The following KLHL13 variants were observed in gnomAD, a reference collection of about 807,000 sequenced individuals.
KLHL13 encodes the protein kelch-like protein 13.
KLHL13 carries 10 observed loss-of-function variants against 37.1 expected under a neutral mutation model. The observed-to-expected ratio is 0.27, with a 90% CI of 0.17 to 0.46. The LOEUF is 0.46. Ranked by LOEUF, KLHL13 falls within the 20% of genes least tolerant of loss-of-function variation. The pLI is 1.00. For synonymous variants in KLHL13, 163 were observed against 181.2 expected, an observed-to-expected ratio of 0.90 and a Z score of 0.81; for missense variants, 360 against 509.3, an observed-to-expected ratio of 0.71 and a Z score of 2.82.
At chrX:117,925,230 T>C (rs780375742) in intron 2 of KLHL13, among the ~76,000 whole-genome samples, 10 of 112,154 alleles carry the variant, frequency 8.9e-5, no homozygotes, top group Admixed American at 6.6e-4. Flanking sequence ...ACATTGATAC[T>C]GTCAGGTATT....
At chrX:118,032,461 G>A (rs774149358) in intron 1 of KLHL13, among the ~76,000 whole-genome samples, 1 of 111,704 alleles carries the variant, frequency 9.0e-6, no homozygotes, top group Admixed American at 9.4e-5. Context: ...TAACTGGGAG[G>A]CACCCCCCAG....
At chrX:117,929,779 A>C (rs1451705199) in intron 2 of KLHL13, among the ~76,000 whole-genome samples, 4 of 57,479 alleles carry the variant, frequency 7.0e-5, no homozygotes, top group African/African-American at 1.9e-4. Context: ...TCGTCTCTAC[A>C]AAAAAAAAAA....
At chrX:118,096,537 C>T (rs1274599179) in intron 1 of KLHL13, among the ~76,000 whole-genome samples, 1 of 111,703 alleles carries the variant, frequency 9.0e-6, no homozygotes, top group Non-Finnish European at 1.9e-5. Context: ...CGAAACTATT[C>T]CAATCAATAG....
intron 1 of KLHL13, among the ~76,000 whole-genome samples, chrX:118,069,420 T>G (rs1479471137): frequency 1.6e-5 from 1 of 61,536 alleles, no homozygotes; most frequent in Non-Finnish European, 3.0e-5. Flanking sequence ...GTTTAAAATG[T>G]AAAAAAAAAA....
intron 1 of KLHL13, among the ~76,000 whole-genome samples, chrX:118,019,314 CCTT>C (rs1235077016): frequency 9.0e-6 from 1 of 111,067 alleles, no homozygotes; most frequent in Non-Finnish European, 1.9e-5. Context: ...CTGTTCATAT[CCTT>C]CGCCCACTTT....
intron 1 of KLHL13, among the ~76,000 whole-genome samples, chrX:118,094,866 G>A (rs748357024): frequency 7.5e-4 from 83 of 111,225 alleles, no homozygotes; most frequent in African/African-American, 2.6e-3. Flanking sequence ...CACCAGGCCT[G>A]CCCTAAAAGA....
chrX:117,932,132 G>T (rs749762064), intron 2 of KLHL13, among the ~76,000 whole-genome samples: 65 of 110,909 alleles, frequency 5.9e-4, no homozygotes, highest in South Asian at 1.9e-3. Context: ...ACAAATCAGG[G>T]TAATTATTAT....
At chrX:118,076,609 A>C (rs887066763) in intron 1 of KLHL13, among the ~76,000 whole-genome samples, 1 of 111,504 alleles carries the variant, frequency 9.0e-6, no homozygotes, top group Non-Finnish European at 1.9e-5. Context: ...TTGGTGAACC[A>C]TTATTCTAGA....
chrX:117,898,969 A>G (rs1929910198), exon 7 of KLHL13: 1 of 1,209,108 alleles, frequency 8.3e-7, no homozygotes, highest in African/African-American at 1.7e-5. Context: ...TGGTGGAAAA[A>G]CTGTGAGTGT....
intron 2 of KLHL13, among the ~76,000 whole-genome samples, chrX:117,940,250 G>T (rs189942074): frequency 5.5e-4 from 62 of 111,798 alleles, no homozygotes; most frequent in Non-Finnish European, 6.4e-4. Context: ...TCAGATGGTT[G>T]TAGATGTGTG....
At chrX:117,960,108 T>C (rs1052141793) in intron 1 of KLHL13, among the ~76,000 whole-genome samples, 3 of 111,174 alleles carry the variant, frequency 2.7e-5, no homozygotes, top group African/African-American at 9.8e-5. Flanking sequence ...CCAAGTGTGG[T>C]GGCTCATGTC....
At chrX:117,907,404 C>G (rs1011599263) in intron 5 of KLHL13, among the ~76,000 whole-genome samples, 2 of 111,591 alleles carry the variant, frequency 1.8e-5, no homozygotes, top group Non-Finnish European at 3.8e-5. Context: ...GTGATAATAT[C>G]AACAAGCAAG....
intron 1 of KLHL13, among the ~76,000 whole-genome samples, chrX:118,062,383 A>T (rs1224977832): frequency 9.1e-6 from 1 of 110,148 alleles, no homozygotes; most frequent in Non-Finnish European, 1.9e-5. Flanking sequence ...TTATTCTAAC[A>T]TTTTTATGTT....
intron 1 of KLHL13, among the ~76,000 whole-genome samples, chrX:118,017,802 T>C (rs1004059878): frequency 9.0e-6 from 1 of 111,561 alleles, no homozygotes; most frequent in African/African-American, 3.2e-5. Context: ...AAAAATATGA[T>C]TGTACAGTGT....
intron 1 of KLHL13, among the ~76,000 whole-genome samples, chrX:118,050,229 T>G (rs957054328): frequency 1.2e-4 from 13 of 112,182 alleles, no homozygotes; most frequent in Non-Finnish European, 7.5e-5. Flanking sequence ...CTTCTCATGT[T>G]GTCATTCATA....
intron 1 of KLHL13, among the ~76,000 whole-genome samples, chrX:117,999,144 A>G (rs766496452): frequency 3.7e-4 from 41 of 111,264 alleles, no homozygotes; most frequent in South Asian, 1.5e-3. Flanking sequence ...AAGGTTCCTC[A>G]GGGATCTAGA....
At chrX:118,001,594 T>C (rs1263422195) in intron 1 of KLHL13, among the ~76,000 whole-genome samples, 1 of 111,734 alleles carries the variant, frequency 8.9e-6, no homozygotes, top group Non-Finnish European at 1.9e-5. Context: ...TCAGGTATGG[T>C]GGCTCACACC....
intron 1 of KLHL13, among the ~76,000 whole-genome samples, chrX:117,966,347 T>G (rs1454060154): frequency 4.5e-5 from 5 of 110,701 alleles, no homozygotes; most frequent in African/African-American, 1.6e-4. Flanking sequence ...GAATCCAACT[T>G]ACAAGGGATG....
intron 1 of KLHL13, among the ~76,000 whole-genome samples, chrX:118,091,636 T>C (rs1200587620): frequency 9.0e-6 from 1 of 110,698 alleles, no homozygotes; most frequent in Non-Finnish European, 1.9e-5. Context: ...GAATACAGAA[T>C]TAGGGACTTT....
Sources: allele counts gnomAD v4.1 joint callset (sites outside exome capture counted in the v4.1 genomes callset), GRCh38; gene constraint gnomAD v4.1.1; transcripts MANE v1.5; gene names NCBI Gene and HGNC (gene_info 2026-07-23, HGNC 2026-07-21).